CNTNAP1: variants seen among roughly 807,000 people sequenced by gnomAD.
The protein encoded by CNTNAP1 is contactin associated protein 1.
In CNTNAP1, 80 loss-of-function variants were observed where a neutral mutation model predicts 161.5. That is an observed-to-expected ratio of 0.50 (90% CI 0.41 to 0.60). CNTNAP1 has a LOEUF of 0.60. Among genes scored for constraint, CNTNAP1 ranks in the 20% least tolerant of loss-of-function variants. The pLI is 0.00. For synonymous variants in CNTNAP1, 695 were observed against 733.1 expected (o/e 0.95, Z 0.84); for missense variants, 1,464 against 1,854.8 (o/e 0.79, Z 3.87).
At position 42,685,241 on chromosome 17, in the gene CNTNAP1, GCGA is replaced by G; in HGVS notation, c.540_542del (p.Asp181del). The G allele has an allele frequency of 6.2e-7, 1 of 1,613,790 alleles. No homozygotes were observed. The highest frequency in any genetic ancestry group is 8.5e-7 in the Non-Finnish European group (1 of 1,180,046). On this transcript the variant is annotated inframe_deletion, in exon 5 of 24. Transcript: ENST00000264638. The surrounding 1 kb of genome is among the most constrained non-coding windows in gnomAD (Gnocchi z 5.0). ...GAGGCCGACATACTCTATTTCGACG[GCGA>G]CGATGCCATCTCCTACCGCTTCCCG...
At position 42,682,649 on chromosome 17, in the gene CNTNAP1, AG is replaced by A; in HGVS notation, c.-180del. 2 of 621,600 alleles carry A rather than the reference AG, an allele frequency of 3.2e-6. No individual in the cohort carries two copies. Among genetic ancestry groups the A allele is most frequent in the Admixed American group, 2.6e-5 (1 of 38,550 alleles). 38.5% of individuals were successfully genotyped at this position (621,600 alleles called of 1,614,324 possible). A position where few individuals can be genotyped will look rare whatever the true frequency, so the allele number is the denominator to read the frequency against. ...GACCAGGAACCAGAGAGAGAGAGAG[AG>A]AAAAGAGAGAGGAGAGACAGAGCGC... On this transcript the variant is annotated 5_prime_UTR_variant, in exon 1 of 24. Coordinates refer to ENST00000264638, the MANE Select transcript of CNTNAP1 (RefSeq NM_003632.3).
At chr17:42,697,389 G>A (rs774837398) in intron 21 of CNTNAP1, 22 bp downstream of exon 21, 25 of 1,612,682 alleles carry the variant, frequency 1.6e-5, no homozygotes, top group Admixed American at 8.3e-5. Context: ...GTGCGGACGC[G>A]TTTTAGGCAA....
At position 42,687,010 on chromosome 17, in the gene CNTNAP1, C is replaced by T; in HGVS notation, c.1008C>T (p.Asp336=). ...NVIFNRVNIA[D]LAVRRHSRIT... ...TCTTCAACCGCGTCAACATCGCAGA[C>T]CTGGCCGTGCGGCGCCATTCCCGGA... Residue 336 remains aspartate (D), a synonymous_variant, in exon 7 of 24, where the codon GAC becomes GAT. Coordinates refer to ENST00000264638, the MANE Select transcript of CNTNAP1 (RefSeq NM_003632.3). This position sits in a 1 kb window ranked among gnomAD's most constrained non-coding sequence, Gnocchi z 4.7. 6.2e-7 allele frequency: 1 copy of T among 1,613,926 alleles called. No homozygotes were observed. The highest frequency in any genetic ancestry group is 8.5e-7 in the Non-Finnish European group (1 of 1,179,866).
chr17:42,684,961 C>T (rs2052984742), intron 3 of CNTNAP1, 30 bp from the exon 4 acceptor site: 2 of 1,605,004 alleles, frequency 1.2e-6, no homozygotes, highest in African/African-American at 2.7e-5. Flanking sequence ...GAGGGCAGGA[C>T]GTGGTTACTA....
intron 8 of CNTNAP1, among the ~76,000 whole-genome samples, chr17:42,688,209 G>T (rs2053042794): frequency 6.6e-6 from 1 of 152,154 alleles, no homozygotes; most frequent in South Asian, 2.1e-4. Context: ...TGGGAGTCCT[G>T]GTATTCTCCA....
At chr17:42,683,972 G>A (rs762980850) in intron 2 of CNTNAP1, 50 bp downstream of exon 2, 10 of 1,613,248 alleles carry the variant, frequency 6.2e-6, no homozygotes, top group Non-Finnish European at 8.5e-6. Flanking sequence ...CCGCGGAAGG[G>A]TGGGGGCCTC....
At position 42,685,166 on chromosome 17, in the gene CNTNAP1, C is replaced by A; in HGVS notation, c.511+28C>A. 6.2e-7 allele frequency: 1 copy of A among 1,608,650 alleles called. No individual in the cohort carries two copies. The highest frequency in any genetic ancestry group is 8.5e-7 in the Non-Finnish European group (1 of 1,177,110). On this transcript the variant is annotated intron_variant, in intron 4 of 23. Coordinates refer to ENST00000264638, the MANE Select transcript of CNTNAP1 (RefSeq NM_003632.3). The surrounding 1 kb of genome is among the most constrained non-coding windows in gnomAD (Gnocchi z 5.0). The stretch of plus-strand genomic sequence containing the variant: ...AAGTGTGCAGAGAGCGCGGAGGGGG[C>A]CTGGGAGACAGCCTCCCCAGTTCCC...
chr17:42,699,034 A>ACC lies in CNTNAP1; in HGVS notation c.*124_*125insCC. ...CTGCTCATCCAGAGGATATTCCCCC[A>ACC]TCCCCCCCCCATCAAGTTTGGTGGG... On this transcript the variant is annotated 3_prime_UTR_variant, in exon 24 of 24. Coordinates refer to ENST00000264638, the MANE Select transcript of CNTNAP1 (RefSeq NM_003632.3). 1.5e-6 allele frequency: 1 copy of ACC among 689,004 alleles called. No individual in the cohort carries two copies. Among genetic ancestry groups the ACC allele is most frequent in the East Asian group, 3.3e-5 (1 of 30,658 alleles). 42.7% of individuals were successfully genotyped at this position (689,004 alleles called of 1,614,324 possible). A position where few individuals can be genotyped will look rare whatever the true frequency, so the allele number is the denominator to read the frequency against.
rs2053102100 is a variant in CNTNAP1, at chr17:42,692,602, C to T, written c.2634C>T (p.Val878=). 6.2e-7 allele frequency: 1 copy of T among 1,614,102 alleles called. No homozygotes were observed. The highest frequency in any genetic ancestry group is 1.3e-5 in the African/African-American group (1 of 74,932). The change falls in exon 17 of 24, where the codon GTC becomes GTT. Residue 878 remains valine, a synonymous_variant. Coordinates refer to ENST00000264638, the MANE Select transcript of CNTNAP1 (RefSeq NM_003632.3). ...TCAATGATGACGAGTGGCACCTGGTCCGGGCTGAAATCAACGTGAAGCAGG... is the reference window on the plus strand; with the variant it reads ...TCAATGATGACGAGTGGCACCTGGTTCGGGCTGAAATCAACGTGAAGCAGG... ...FEFNDDEWHL[V]RAEINVKQAR... is the part of the protein sequence containing the mutation.
Position 42,698,812 on chromosome 17 carries a change from C to T in CNTNAP1, c.4057C>T (p.Pro1353Ser). 1 of 1,607,890 alleles carries T rather than the reference C, an allele frequency of 6.2e-7. No homozygotes were observed. The highest frequency in any genetic ancestry group is 8.5e-7 in the Non-Finnish European group (1 of 1,179,690). ...PTPTAAPNQAPASAPAPAPTP... is the reference protein window; with the variant it reads ...PTPTAAPNQASASAPAPAPTP... ...CCCTACAGCAGCTCCCAACCAAGCT[C>T]CAGCCTCAGCCCCAGCCCCAGCCCC... Residue 1353 changes from proline to serine, a missense_variant, in exon 24 of 24, where the codon CCA becomes TCA. Around this residue, in one of 3 missense-constraint regions of CNTNAP1, gnomAD observed 1,383 missense variants for 1,765.0 expected, o/e 0.78. Transcript: ENST00000264638.
At chr17:42,684,250 G>T in intron 3 of CNTNAP1, 21 bp downstream of exon 3, 1 of 1,602,886 alleles carries the variant, frequency 6.2e-7, no homozygotes. Context: ...CGCCAAGGCG[G>T]TAACACTTGG....
rs1255598931 is a variant in CNTNAP1, at chr17:42,682,895, C to T, written c.66C>T (p.Tyr22=). ...TCTCAGGAGCCGAGGGCTGGGGCTA[C>T]TGTGAGTGTTGGGCTTGGAGGCAGG... is the stretch of plus-strand genomic sequence containing the variant. ...AAVSGAEGWG[Y]YGCDEELVGP... is the part of the protein sequence containing the mutation. Residue 22 remains tyrosine (Y), a splice_region_variant and synonymous_variant, in exon 1 of 24, where the codon TAC becomes TAT. Transcript: ENST00000264638. 1.3e-6 allele frequency: 2 copies of T among 1,599,766 alleles called. No homozygotes were observed. The highest frequency in any genetic ancestry group is 1.7e-6 in the Non-Finnish European group (2 of 1,174,292).
chr17:42,688,468 G>C lies in CNTNAP1; in HGVS notation c.1313G>C (p.Arg438Pro), dbSNP rs746268826. The change falls in exon 9 of 24, where the codon CGA (arginine) becomes CCA (proline). Residue 438 changes from arginine (R) to proline (P), a missense_variant. By Grantham distance (103) the Arg-to-Pro change is moderately radical. This residue lies in a region of CNTNAP1 where 1,383 missense variants were observed against 1,765.0 expected (regional missense o/e 0.78). Transcript: ENST00000264638. ...ATCATCCATTCTTGTCCAGGGTACCGACTGAATGACGGCTTTTGGCACGAG... is the reference window on the plus strand; with the variant it reads ...ATCATCCATTCTTGTCCAGGGTACCCACTGAATGACGGCTTTTGGCACGAG... ...RKKLQFAAGY[R>P]LNDGFWHEVN... 2 of 1,614,080 alleles carry C rather than the reference G, an allele frequency of 1.2e-6. No individual in the cohort carries two copies. Among genetic ancestry groups the C allele is most frequent in the Non-Finnish European group, 1.7e-6 (2 of 1,180,050 alleles).
chr17:42,688,355 A>G, intron 8 of CNTNAP1, 107 bp from the exon 9 acceptor site: 2 of 1,460,510 alleles, frequency 1.4e-6, no homozygotes, highest in South Asian at 1.2e-5. Context: ...ACGGGGGCAC[A>G]CAGGCTGCTA....
Position 42,691,580 on chromosome 17 carries a change from T to C in CNTNAP1, c.2344+69T>C. Reference sequence around the variant, plus strand: ...TCCAGTTTCCAAAATCTAGGCCGCATGTCACTGGTGGTCTCTAGCTGGGGT... The same window carrying C: ...TCCAGTTTCCAAAATCTAGGCCGCACGTCACTGGTGGTCTCTAGCTGGGGT... On this transcript the variant is annotated intron_variant, in intron 15 of 23. Coordinates refer to ENST00000264638, the MANE Select transcript of CNTNAP1 (RefSeq NM_003632.3). This position sits in a 1 kb window ranked among gnomAD's most constrained non-coding sequence, Gnocchi z 4.3. 1.9e-6 allele frequency: 3 copies of C among 1,595,552 alleles called. No homozygotes were observed. The highest frequency in any genetic ancestry group is 2.6e-6 in the Non-Finnish European group (3 of 1,171,128).
At chr17:42,688,778 C>T in intron 9 of CNTNAP1, 98 bp from the exon 10 acceptor site, 1 of 1,536,358 alleles carries the variant, frequency 6.5e-7, no homozygotes, top group Middle Eastern at 2.3e-4. Context: ...GTTGTAGTCC[C>T]CTTTCTTCCT....
At chr17:42,696,487 C>T (rs1005326567) in intron 20 of CNTNAP1, among the ~76,000 whole-genome samples, 2 of 152,014 alleles carry the variant, frequency 1.3e-5, no homozygotes, top group African/African-American at 2.4e-5. Flanking sequence ...CAACGCCCAG[C>T]TAATTTTGTA....
In CNTNAP1 at chr17:42,693,514, T is replaced by C; in HGVS notation, c.2970T>C (p.Phe990=). The change falls in exon 18 of 24, where the codon TTT becomes TTC. Residue 990 remains phenylalanine (F), a synonymous_variant. Coordinates refer to ENST00000264638, the MANE Select transcript of CNTNAP1 (RefSeq NM_003632.3). The part of the protein sequence containing the change: ...YYTCDCDLTA[F]DGPYCNHDIG... Reference sequence around the variant, plus strand: ...CGTGTGACTGTGACCTCACGGCTTTTGATGGGCCATACTGCAACCACGGTA... The same window carrying C: ...CGTGTGACTGTGACCTCACGGCTTTCGATGGGCCATACTGCAACCACGGTA... 2 of 1,613,974 alleles carry C rather than the reference T, an allele frequency of 1.2e-6. No individual in the cohort carries two copies. Among genetic ancestry groups the C allele is most frequent in the South Asian group, 1.1e-5 (1 of 91,090 alleles).
Position 42,685,043 on chromosome 17 carries a change from T to C in CNTNAP1, c.416T>C (p.Phe139Ser), listed in dbSNP as rs766786493. 2.5e-6 allele frequency: 4 copies of C among 1,590,710 alleles called. No individual in the cohort carries two copies. Among genetic ancestry groups the C allele is most frequent in the Non-Finnish European group, 2.6e-6 (3 of 1,171,204 alleles). The change falls in exon 4 of 24, where the codon TTC becomes TCC. Residue 139 changes from phenylalanine to serine, a missense_variant. Phe to Ser is a radical substitution (Grantham distance 155). This residue lies in a region of CNTNAP1 where 1,383 missense variants were observed against 1,765.0 expected (regional missense o/e 0.78). Transcript: ENST00000264638. This position sits in a 1 kb window ranked among gnomAD's most constrained non-coding sequence, Gnocchi z 5.0. ...ESAVVRHDLH[F>S]HFTARYIRIV... is the part of the protein sequence containing the mutation. Reference sequence around the variant, plus strand: ...GCGGTGGTGCGCCATGACCTGCACTTCCACTTCACTGCGCGCTACATCCGC... The same window carrying C: ...GCGGTGGTGCGCCATGACCTGCACTCCCACTTCACTGCGCGCTACATCCGC...
Sources: allele counts gnomAD v4.1 joint callset (sites outside exome capture counted in the v4.1 genomes callset), GRCh38; gene constraint gnomAD v4.1.1; regional missense constraint gnomAD v4.1.1; non-coding constraint Gnocchi (gnomAD v3.1); transcripts MANE v1.5; gene names NCBI Gene and HGNC (gene_info 2026-07-23, HGNC 2026-07-21).